Variants in PAPOLA observed in about 807,000 individuals in gnomAD.
The protein encoded by PAPOLA is poly(A) polymerase alpha.
A neutral mutation model predicts 100.6 loss-of-function variants in PAPOLA; 15 were observed. That is an observed-to-expected ratio of 0.15 (90% confidence interval 0.10 to 0.23). The LOEUF (loss-of-function observed/expected upper bound fraction) is 0.23, where lower values mean the gene tolerates loss of function less well. Among genes scored for constraint, PAPOLA ranks in the 10% least tolerant of loss-of-function variants. The probability of loss-of-function intolerance (pLI) is 1.00; values close to 1 mark genes in which losing one functional copy is unlikely to be tolerated. For missense variants in PAPOLA, 533 were observed against 884.2 expected (o/e 0.60, Z 5.04); for synonymous variants, 293 against 300.0 (o/e 0.98, Z 0.24).
chr14:96,553,363 G>A (rs1901009546), intron 17 of PAPOLA: 1 of 152,154 alleles, frequency 6.6e-6, no homozygotes, highest in Non-Finnish European at 1.5e-5. Flanking sequence ...AAAAGTAAAA[G>A]AATTAGGTGT....
chr14:96,559,395 A>G (rs1030283601), intron 19 of PAPOLA, among the ~76,000 whole-genome samples: 1 of 151,928 alleles, frequency 6.6e-6, no homozygotes, highest in Non-Finnish European at 1.5e-5. Context: ...TAATGCACTA[A>G]CGTGTATATA....
chr14:96,520,839 AGAGAGAGAAAGC>A (rs943721778), intron 2 of PAPOLA, 155 bp from the exon 3 acceptor site: 3 of 543,334 alleles, frequency 5.5e-6, no homozygotes, highest in Admixed American at 3.2e-5. Context: ...AGAAAGAGAG[AGAGAGAGAAAGC>A]GAGAGAGAGA....
In PAPOLA at chr14:96,528,016, A is replaced by T; in HGVS notation, c.495+10A>T. The T allele has an allele frequency of 6.3e-7, 1 of 1,575,808 alleles. No individual in the cohort carries two copies. The highest frequency in any genetic ancestry group is 8.7e-7 in the Non-Finnish European group (1 of 1,145,334). ...TTTTGATGGGATAGAGGTAAGGTAT[A>T]GTTCAAATTGACAGTTCTTGCTATG... On this transcript the variant is annotated intron_variant, in intron 6 of 21. Coordinates refer to ENST00000216277, the MANE Select transcript of PAPOLA (RefSeq NM_032632.5).
At chr14:96,502,730 ACTGGG>A in intron 1 of PAPOLA, 130 bp downstream of exon 1, 1 of 967,638 alleles carries the variant, frequency 1.0e-6, no homozygotes, top group Non-Finnish European at 1.5e-6. Flanking sequence ...GGCAGGCAGG[ACTGGG>A]GACCTTCCTG....
rs1902173415 is a variant in PAPOLA, at chr14:96,565,131, AC to A, written c.*82del. ...ATGCTAAAAAAGGAGAATGGAGGGT[AC>A]AAGACTAGACATGACTGAAATGGAT... On this transcript the variant is annotated 3_prime_UTR_variant, in exon 22 of 22. Transcript: ENST00000216277. 1.3e-6 allele frequency: 1 copy of A among 785,832 alleles called. No individual in the cohort carries two copies. Among genetic ancestry groups the A allele is most frequent in the Non-Finnish European group, 2.3e-6 (1 of 441,686 alleles). The allele number at this position is 785,832 out of a possible 1,614,324, so 48.7% of individuals were successfully genotyped here.
chr14:96,560,042 G>A (rs1191564523), intron 19 of PAPOLA, among the ~76,000 whole-genome samples: 1 of 152,064 alleles, frequency 6.6e-6, no homozygotes, highest in Non-Finnish European at 1.5e-5. Flanking sequence ...TAAGCTATAA[G>A]CCTGTGGTTT....
chr14:96,565,233 G>A lies in PAPOLA; in HGVS notation c.*183G>A, dbSNP rs979892825. ...AGTCCAGGTTAGTATGTGAAGCCAG[G>A]AGTACTATTATTATTGTGTTAGCAA... On this transcript the variant is annotated 3_prime_UTR_variant, in exon 22 of 22. Coordinates refer to ENST00000216277, the MANE Select transcript of PAPOLA (RefSeq NM_032632.5). 5.8e-6 allele frequency: 3 copies of A among 515,350 alleles called. No homozygotes were observed. The highest frequency in any genetic ancestry group is 3.8e-5 in the African/African-American group (2 of 52,660). 31.9% of individuals were successfully genotyped at this position (515,350 alleles called of 1,614,324 possible). A position where few individuals can be genotyped will look rare whatever the true frequency, so the allele number is the denominator to read the frequency against.
chr14:96,526,596 A>G (rs1898504461), intron 4 of PAPOLA: 1 of 153,358 alleles, frequency 6.5e-6, no homozygotes, highest in South Asian at 2.1e-4. Context: ...TCGGCCTCCC[A>G]GAGTGCTGGG....
At chr14:96,528,996 G>T (rs1174307178) in intron 6 of PAPOLA, among the ~76,000 whole-genome samples, 1 of 152,110 alleles carries the variant, frequency 6.6e-6, no homozygotes, top group African/African-American at 2.4e-5. Flanking sequence ...TGACAAAGAG[G>T]ACTTTTTTTT....
At chr14:96,534,200 A>G (rs1194116601) in intron 9 of PAPOLA, 4 of 1,193,134 alleles carry the variant, frequency 3.4e-6, no homozygotes, top group Non-Finnish European at 4.2e-6. Context: ...TGGACACATC[A>G]TTATCTTGGG....
chr14:96,532,012 G>T, intron 7 of PAPOLA: 1 of 1,240,886 alleles, frequency 8.1e-7, no homozygotes, highest in East Asian at 3.9e-5. Context: ...AAACTTTAGT[G>T]GATTAAGTCT....
At chr14:96,505,093 A>T (rs950968795) in intron 1 of PAPOLA, among the ~76,000 whole-genome samples, 1 of 152,252 alleles carries the variant, frequency 6.6e-6, no homozygotes, top group East Asian at 1.9e-4. Flanking sequence ...TTTAAGAGTC[A>T]TGGTGGTGAA....
intron 16 of PAPOLA, among the ~76,000 whole-genome samples, chr14:96,548,165 G>A (rs866804285): frequency 2.6e-5 from 4 of 152,108 alleles, no homozygotes; most frequent in Middle Eastern, 3.4e-3. Flanking sequence ...GTATATACCC[G>A]TATTCTCTTT....
At chr14:96,538,663 T>C (rs1251923182) in intron 12 of PAPOLA, among the ~76,000 whole-genome samples, 2 of 152,046 alleles carry the variant, frequency 1.3e-5, no homozygotes, top group African/African-American at 4.8e-5. Context: ...GGGCTAGTTT[T>C]ATCCATACCA....
At chr14:96,527,698 G>A in intron 5 of PAPOLA, 159 bp downstream of exon 5, 1 of 612,468 alleles carries the variant, frequency 1.6e-6, no homozygotes, top group Non-Finnish European at 2.9e-6. Flanking sequence ...TTTACAGCAA[G>A]CCTAAAATTA....
In PAPOLA at chr14:96,521,033, C is replaced by T. The variant is rs2140256364; in HGVS notation, c.210C>T (p.Asn70=). ...TTTTAATTTTGGGAAAACTAAATAA[C>T]CTGGTAAAAGAGTGGATACGAGAAA... ...RRILILGKLN[N]LVKEWIREIS... is the part of the protein sequence containing the mutation. Residue 70 remains asparagine (N), a synonymous_variant, in exon 3 of 22, where the codon AAC becomes AAT. Transcript: ENST00000216277. 6.4e-7 allele frequency: 1 copy of T among 1,555,666 alleles called. No individual in the cohort carries two copies. Among genetic ancestry groups the T allele is most frequent in the Non-Finnish European group, 8.9e-7 (1 of 1,127,754 alleles).
At chr14:96,523,064 G>A (rs1187102902) in intron 3 of PAPOLA, among the ~76,000 whole-genome samples, 2 of 152,058 alleles carry the variant, frequency 1.3e-5, no homozygotes, top group South Asian at 2.1e-4. Context: ...TTCAGCAAAT[G>A]TAGTATTCTA....
intron 3 of PAPOLA, among the ~76,000 whole-genome samples, chr14:96,523,382 C>T (rs984549225): frequency 6.6e-6 from 1 of 152,156 alleles, no homozygotes; most frequent in Non-Finnish European, 1.5e-5. Context: ...ACACTAGCAA[C>T]ATTTCAGGTG....
intron 17 of PAPOLA, among the ~76,000 whole-genome samples, chr14:96,553,804 C>T (rs1391793967): frequency 6.6e-6 from 1 of 152,194 alleles, no homozygotes; most frequent in Non-Finnish European, 1.5e-5. Flanking sequence ...TGAGCCACCA[C>T]GCCCGGCCTG....
Sources: gnomAD v4.1 joint callset for allele counts (sites outside exome capture counted in the v4.1 genomes callset) on GRCh38, gnomAD v4.1.1 for gene constraint, MANE v1.5 for transcripts, NCBI Gene and HGNC (gene_info 2026-07-23, HGNC 2026-07-21) for gene names.